Variants in XXYLT1 observed in about 807,000 individuals in gnomAD.
XXYLT1 encodes the protein UDP-xylose:alpha-xyloside alpha-1,3-xylosyltransferase.
A neutral mutation model predicts 28.9 loss-of-function variants in XXYLT1; 20 were observed. The ratio of observed to expected loss-of-function variants is 0.69; its 90% CI spans 0.49 to 1.00. The LOEUF (loss-of-function observed/expected upper bound fraction) is 1.00, where lower values mean the gene tolerates loss of function less well. Among genes scored for constraint, XXYLT1 ranks in the 50% least tolerant of loss-of-function variants. XXYLT1 has a pLI of 0.00. For missense variants in XXYLT1, 542 were observed against 560.1 expected (o/e 0.97, Z 0.33); for synonymous variants, 257 against 253.8 (o/e 1.01, Z -0.12).
At chr3:195,208,780 G>C (rs1194888529) in intron 2 of XXYLT1, among the ~76,000 whole-genome samples, 1 of 152,222 alleles carries the variant, frequency 6.6e-6, no homozygotes, top group East Asian at 1.9e-4. Flanking sequence ...TCTCACGGGG[G>C]AGCGAGGTGA....
At chr3:195,102,450 G>A (rs777287642) in intron 3 of XXYLT1, among the ~76,000 whole-genome samples, 11 of 151,810 alleles carry the variant, frequency 7.2e-5, no homozygotes, top group South Asian at 6.3e-4. Flanking sequence ...CACCCTCGCC[G>A]TGGCCACGGT....
intron 2 of XXYLT1, among the ~76,000 whole-genome samples, chr3:195,223,857 C>T (rs1723931381): frequency 1.3e-5 from 2 of 152,114 alleles, no homozygotes; most frequent in African/African-American, 4.8e-5. Context: ...CTTTGGGGCA[C>T]ATGTAAAAAT....
chr3:195,155,089 G>A (rs1720492827), intron 3 of XXYLT1, among the ~76,000 whole-genome samples: 1 of 152,212 alleles, frequency 6.6e-6, no homozygotes, highest in Non-Finnish European at 1.5e-5. Flanking sequence ...GGCCACACGT[G>A]AGAGGATTAT....
chr3:195,238,390 C>G (rs1214706300), intron 1 of XXYLT1, among the ~76,000 whole-genome samples: 1 of 152,192 alleles, frequency 6.6e-6, no homozygotes, highest in African/African-American at 2.4e-5. Context: ...CGCATGGGGG[C>G]TCCACTCACC....
chr3:195,112,650 G>C (rs922169333), intron 3 of XXYLT1, among the ~76,000 whole-genome samples: 1 of 147,236 alleles, frequency 6.8e-6, no homozygotes, highest in African/African-American at 2.5e-5. Flanking sequence ...CACACACGCA[G>C]CTCCCAGCCC....
At chr3:195,151,405 C>G (rs1441871149) in intron 3 of XXYLT1, among the ~76,000 whole-genome samples, 1 of 152,114 alleles carries the variant, frequency 6.6e-6, no homozygotes, top group African/African-American at 2.4e-5. Flanking sequence ...GTGGCTCTGC[C>G]TGCAGTCCCA....
At chr3:195,199,632 G>A (rs894184713) in intron 2 of XXYLT1, among the ~76,000 whole-genome samples, 1 of 151,888 alleles carries the variant, frequency 6.6e-6, no homozygotes, top group Non-Finnish European at 1.5e-5. Context: ...AAAGAATCTT[G>A]TTGCTACCTT....
intron 3 of XXYLT1, among the ~76,000 whole-genome samples, chr3:195,131,710 G>A (rs751265940): frequency 2.0e-5 from 3 of 152,206 alleles, no homozygotes. Flanking sequence ...CAGGCAGGAG[G>A]TGACAAACCT....
At position 195,096,391 on chromosome 3, in the gene XXYLT1, A is replaced by G. The variant is rs143925253; in HGVS notation, c.786-26280T>C. Among the ~76,000 whole-genome samples, 233 of 152,312 alleles carry G rather than the reference A, an allele frequency of 1.5e-3. 1 individual carries two copies. Among genetic ancestry groups the G allele is most frequent in the African/African-American group, 4.2e-3 (176 of 41,564 alleles). Reference sequence around the variant, plus strand: ...GACGCAGACACCATGCTCTGTTCCCAGTGCGTCCCCAACACACACACGTAT... The same window carrying G: ...GACGCAGACACCATGCTCTGTTCCCGGTGCGTCCCCAACACACACACGTAT... On this transcript the variant is annotated intron_variant, in intron 3 of 3. Coordinates refer to ENST00000310380, the MANE Select transcript of XXYLT1 (RefSeq NM_152531.5).
chr3:195,193,456 C>T lies in XXYLT1; in HGVS notation c.652+33253G>A, dbSNP rs78492124. 5.6e-3 allele frequency among the ~76,000 whole-genome samples: 857 copies of T among 152,188 alleles called. 16 individuals carry two copies. Among genetic ancestry groups the T allele is most frequent in the African/African-American group, 0.02 (822 of 41,516 alleles). ...GTTCATGCATTGGAAGCCTCAACAC[C>T]GTCAAGATGGGAATTCCTCCCAGAC... On this transcript the variant is annotated intron_variant, in intron 2 of 3. Transcript: ENST00000310380.
chr3:195,200,843 G>T (rs1188770187), intron 2 of XXYLT1, among the ~76,000 whole-genome samples: 1 of 152,050 alleles, frequency 6.6e-6, no homozygotes, highest in Non-Finnish European at 1.5e-5. Flanking sequence ...GGAGCTCACG[G>T]GTCCGCTGGC....
At chr3:195,247,169 G>A (rs1207035763) in intron 1 of XXYLT1, among the ~76,000 whole-genome samples, 1 of 152,218 alleles carries the variant, frequency 6.6e-6, no homozygotes, top group African/African-American at 2.4e-5. Flanking sequence ...AGGAGGGGAA[G>A]AGGTATGGCA....
intron 2 of XXYLT1, among the ~76,000 whole-genome samples, chr3:195,170,833 A>G (rs1394638205): frequency 6.6e-6 from 1 of 152,094 alleles, no homozygotes; most frequent in East Asian, 1.9e-4. Flanking sequence ...CCTTGAGCAC[A>G]GGAGTTCGAG....
intron 3 of XXYLT1, among the ~76,000 whole-genome samples, chr3:195,097,405 G>A (rs893987648): frequency 1.3e-5 from 2 of 152,106 alleles, no homozygotes; most frequent in African/African-American, 2.4e-5. Context: ...ACCACGTGTG[G>A]GTTACAACAG....
rs567950733 is a variant in XXYLT1, at chr3:195,140,026, T to G, written c.785+16423A>C. On this transcript the variant is annotated intron_variant, in intron 3 of 3. Transcript: ENST00000310380. ...ACATCTTTAGGCTCTCTGGAGTACA[T>G]GAACACAGGTGAGTCATCCTTTTAC... Among the ~76,000 whole-genome samples the G allele has an allele frequency of 3.3e-5, 5 of 152,314 alleles. No individual in the cohort carries two copies. The South Asian group carries it at 8.3e-4, about 25-fold the overall frequency.
chr3:195,208,650 G>A (rs1723176449), intron 2 of XXYLT1, among the ~76,000 whole-genome samples: 1 of 152,206 alleles, frequency 6.6e-6, no homozygotes, highest in South Asian at 2.1e-4. Context: ...AAATAAAGAA[G>A]TGTAGACAGA....
chr3:195,218,582 C>T (rs1219441532), intron 2 of XXYLT1, among the ~76,000 whole-genome samples: 1 of 151,982 alleles, frequency 6.6e-6, no homozygotes, highest in African/African-American at 2.4e-5. Flanking sequence ...CATCACTGGC[C>T]ATCAGAGAAA....
At chr3:195,151,818 TAGG>T (rs1720280614) in intron 3 of XXYLT1, among the ~76,000 whole-genome samples, 1 of 142,452 alleles carries the variant, frequency 7.0e-6, no homozygotes, top group African/African-American at 2.7e-5. Flanking sequence ...AGGGATTGAT[TAGG>T]AGAAGCCCAG....
At chr3:195,215,699 T>A (rs1262363233) in intron 2 of XXYLT1, among the ~76,000 whole-genome samples, 1 of 151,262 alleles carries the variant, frequency 6.6e-6, no homozygotes, top group Non-Finnish European at 1.5e-5. Flanking sequence ...ACAAAGAGAC[T>A]TAGACTCCCA....
Sources: gnomAD v4.1 joint callset for allele counts (sites outside exome capture counted in the v4.1 genomes callset) on GRCh38, gnomAD v4.1.1 for gene constraint, MANE v1.5 for transcripts, NCBI Gene and HGNC (gene_info 2026-07-23, HGNC 2026-07-21) for gene names.